The following AK5 variants were observed in gnomAD, a reference collection of about 807,000 sequenced individuals.
AK5 encodes adenylate kinase isoenzyme 5.
A neutral mutation model predicts 69.5 loss-of-function variants in AK5; 27 were observed. The observed-to-expected ratio is 0.39, with a 90% CI of 0.29 to 0.54. AK5 has a LOEUF of 0.54. Ranked by LOEUF, AK5 falls within the 20% of genes least tolerant of loss-of-function variation. AK5 has a pLI of 0.71. For missense variants in AK5, 531 were observed against 700.4 expected, an observed-to-expected ratio of 0.76 and a Z score of 2.73; for synonymous variants, 260 against 244.4, an observed-to-expected ratio of 1.06 and a Z score of -0.60.
intron 5 of AK5, chr1:77,314,866 C>G (rs1660164034): frequency 6.6e-6 from 1 of 152,074 alleles, no homozygotes; most frequent in African/African-American, 2.4e-5. Context: ...ACACAGATAT[C>G]TCAGGAGAAG....
At chr1:77,420,567 G>GTAA (rs1207666074) in intron 8 of AK5, among the ~76,000 whole-genome samples, 1 of 152,160 alleles carries the variant, frequency 6.6e-6, no homozygotes, top group Admixed American at 6.5e-5. Flanking sequence ...AACTCAAGAA[G>GTAA]TAAGCTCTGT....
At chr1:77,332,133 A>G (rs1661121670) in intron 5 of AK5, among the ~76,000 whole-genome samples, 1 of 152,188 alleles carries the variant, frequency 6.6e-6, no homozygotes, top group African/African-American at 2.4e-5. Context: ...TAACATTTCC[A>G]AATTGTTTTC....
At chr1:77,481,480 A>T (rs779919560) in intron 8 of AK5, among the ~76,000 whole-genome samples, 2 of 152,260 alleles carry the variant, frequency 1.3e-5, no homozygotes, top group Non-Finnish European at 2.9e-5. Flanking sequence ...TACCTGGAAT[A>T]GCACTGAATG....
intron 11 of AK5, 89 bp from the exon 12 acceptor site, chr1:77,521,738 C>G: frequency 2.2e-6 from 2 of 926,068 alleles, no homozygotes; most frequent in Non-Finnish European, 3.5e-6. Flanking sequence ...ACCTTCCTCC[C>G]TCCCTCAGTG....
At chr1:77,307,849 A>G (rs563211584) in intron 5 of AK5, among the ~76,000 whole-genome samples, 2 of 152,304 alleles carry the variant, frequency 1.3e-5, no homozygotes, top group African/African-American at 4.8e-5. Context: ...TACTTCTTTC[A>G]GCAATATGAA....
chr1:77,446,640 T>C (rs539768408), intron 8 of AK5, among the ~76,000 whole-genome samples: 1 of 152,356 alleles, frequency 6.6e-6, no homozygotes, highest in African/African-American at 2.4e-5. Flanking sequence ...CTTCGTTAAA[T>C]TTATTCCTAA....
rs1404384401 is a variant in AK5 at position 77,559,544 on chromosome 1, T to C, written c.*874T>C. The C allele has an allele frequency of 3.8e-5, 3 of 79,702 alleles. No homozygotes were observed. Among genetic ancestry groups the C allele is most frequent in the Admixed American group, 1.6e-4 (1 of 6,166 alleles). 4.9% of individuals were successfully genotyped at this position (79,702 alleles called of 1,614,324 possible). ...AATTTTGATTTTAAATGGTCACCCA[T>C]GTATTTATTTGTTGCCAAGCAAGTA... is the stretch of plus-strand genomic sequence containing the variant. On this transcript the variant is annotated 3_prime_UTR_variant, in exon 14 of 14. Coordinates refer to ENST00000354567, the MANE Select transcript of AK5 (RefSeq NM_174858.3).
intron 8 of AK5, among the ~76,000 whole-genome samples, chr1:77,472,736 T>A (rs892566395): frequency 1.5e-4 from 22 of 146,192 alleles, no homozygotes; most frequent in African/African-American, 3.4e-4. Flanking sequence ...TGAATTTTTT[T>A]AAAAAAGACT....
At chr1:77,542,403 T>C (rs1317232835) in intron 13 of AK5, among the ~76,000 whole-genome samples, 1 of 152,064 alleles carries the variant, frequency 6.6e-6, no homozygotes, top group Admixed American at 6.6e-5. Context: ...CAGAATGCAT[T>C]GTTGGGAGTG....
chr1:77,341,909 G>T (rs1661674883), intron 6 of AK5, among the ~76,000 whole-genome samples: 1 of 151,912 alleles, frequency 6.6e-6, no homozygotes, highest in Non-Finnish European at 1.5e-5. Flanking sequence ...GTTTTGGTTT[G>T]GTTTTTTGAG....
At chr1:77,535,773 A>G in intron 12 of AK5, 74 bp from the exon 13 acceptor site, 3 of 1,397,346 alleles carry the variant, frequency 2.1e-6, no homozygotes, top group Non-Finnish European at 2.9e-6. Context: ...AGGAAAAACC[A>G]GAGGCCCTGG....
intron 10 of AK5, among the ~76,000 whole-genome samples, chr1:77,487,573 G>C (rs1655682003): frequency 1.3e-5 from 2 of 152,182 alleles, no homozygotes; most frequent in Non-Finnish European, 2.9e-5. Flanking sequence ...AATATAATCA[G>C]ATAAACTTAA....
At chr1:77,302,782 T>C (rs1659414180) in intron 5 of AK5, among the ~76,000 whole-genome samples, 1 of 152,206 alleles carries the variant, frequency 6.6e-6, no homozygotes, top group Non-Finnish European at 1.5e-5. Context: ...TCTTGTAATA[T>C]GTTGCTAAAC....
chr1:77,494,124 G>A (rs1656159278), intron 10 of AK5, among the ~76,000 whole-genome samples: 1 of 152,172 alleles, frequency 6.6e-6, no homozygotes, highest in Admixed American at 6.5e-5. Flanking sequence ...AAGTACATGA[G>A]GTTACCAGTA....
chr1:77,374,633 A>G (rs190496244), intron 6 of AK5, among the ~76,000 whole-genome samples: 1 of 152,136 alleles, frequency 6.6e-6, no homozygotes, highest in Admixed American at 6.5e-5. Context: ...TAACCTGAGA[A>G]GCACAATGAG....
intron 8 of AK5, among the ~76,000 whole-genome samples, chr1:77,464,166 G>A (rs1368416893): frequency 6.6e-6 from 1 of 152,160 alleles, no homozygotes; most frequent in Non-Finnish European, 1.5e-5. Context: ...CAATTTGAAT[G>A]GTAAGACAGT....
At chr1:77,358,018 T>TGTGTGTGAGAGAGAGA (rs762714026) in intron 6 of AK5, among the ~76,000 whole-genome samples, 2,156 of 128,240 alleles carry the variant, frequency 0.017, 44 homozygotes, top group Non-Finnish European at 0.019. Context: ...TGTGTGTGTG[T>TGTGTGTGAGAGAGAGA]GAGAGAGAGA....
At chr1:77,362,465 A>G (rs1646881790) in intron 6 of AK5, among the ~76,000 whole-genome samples, 1 of 152,164 alleles carries the variant, frequency 6.6e-6, no homozygotes, top group South Asian at 2.1e-4. Context: ...CTCATGAGCC[A>G]CCGGAAGGAT....
intron 8 of AK5, among the ~76,000 whole-genome samples, chr1:77,444,376 C>G (rs181363554): frequency 0.016 from 565 of 35,132 alleles, 89 homozygotes; most frequent in African/African-American, 0.073. Context: ...TAAATATATA[C>G]TATATATAGT....
Sources: allele counts gnomAD v4.1 joint callset (sites outside exome capture counted in the v4.1 genomes callset), GRCh38; gene constraint gnomAD v4.1.1; transcripts MANE v1.5; gene names NCBI Gene and HGNC (gene_info 2026-07-23, HGNC 2026-07-21).